LIMCH1: variants seen among roughly 807,000 people sequenced by gnomAD.
LIMCH1 encodes LIM and calponin homology domains-containing protein 1.
In LIMCH1, 113 loss-of-function variants were observed where a neutral mutation model predicts 176.5. The ratio of observed to expected loss-of-function variants is 0.64; its 90% confidence interval spans 0.55 to 0.75. The LOEUF is 0.75. Among genes scored for constraint, LIMCH1 ranks in the 30% least tolerant of loss-of-function variants. LIMCH1 has a pLI of 0.00. For missense variants in LIMCH1, 1,674 were observed against 1,814.9 expected, an observed-to-expected ratio of 0.92 and a Z score of 1.41; for synonymous variants, 619 against 645.9, an observed-to-expected ratio of 0.96 and a Z score of 0.63.
intron 1 of LIMCH1, among the ~76,000 whole-genome samples, chr4:41,374,422 T>C (rs147149122): frequency 6.6e-6 from 1 of 152,338 alleles, no homozygotes; most frequent in African/African-American, 2.4e-5. Context: ...CCAAGCAGCC[T>C]GATGAACCCT....
intron 2 of LIMCH1, among the ~76,000 whole-genome samples, chr4:41,504,990 C>A (rs533484053): frequency 6.6e-6 from 1 of 152,318 alleles, no homozygotes; most frequent in Non-Finnish European, 1.5e-5. Flanking sequence ...TTGAGTCCCC[C>A]AGTTTACTTT....
intron 3 of LIMCH1, chr4:41,524,563 C>T (rs901226417): frequency 3.1e-6 from 3 of 956,156 alleles, no homozygotes; most frequent in African/African-American, 1.6e-5. Flanking sequence ...TTACAGTTCT[C>T]TCCTGCAATA....
At chr4:41,362,797 A>G (rs1483438478) in intron 1 of LIMCH1, among the ~76,000 whole-genome samples, 3 of 152,206 alleles carry the variant, frequency 2.0e-5, no homozygotes, top group African/African-American at 4.8e-5. Context: ...ATTTCAGGCT[A>G]TTATGCAGTG....
At chr4:41,461,073 G>A (rs980199689) in intron 1 of LIMCH1, among the ~76,000 whole-genome samples, 46 of 152,250 alleles carry the variant, frequency 3.0e-4, no homozygotes, top group African/African-American at 1.1e-3. Context: ...TTTATGTAGT[G>A]GTTATCCTAT....
chr4:41,553,752 C>T (rs2080859910), intron 1 of LIMCH1, among the ~76,000 whole-genome samples: 1 of 152,116 alleles, frequency 6.6e-6, no homozygotes, highest in South Asian at 2.1e-4. Flanking sequence ...ATGAAAGATT[C>T]TTGAGCCAGT....
intron 1 of LIMCH1, among the ~76,000 whole-genome samples, chr4:41,427,788 A>G (rs2154134386): frequency 6.6e-6 from 1 of 152,330 alleles, no homozygotes; most frequent in Middle Eastern, 3.4e-3. Context: ...CCTTCTTTAG[A>G]TTGTACAAAC....
At chr4:41,614,859 A>G (rs1231740251) in intron 5 of LIMCH1, among the ~76,000 whole-genome samples, 1 of 152,240 alleles carries the variant, frequency 6.6e-6, no homozygotes, top group East Asian at 1.9e-4. Flanking sequence ...AGCTTTAAGA[A>G]GTGTGAATGC....
At chr4:41,557,540 T>C (rs2081430651) in intron 1 of LIMCH1, among the ~76,000 whole-genome samples, 2 of 113,346 alleles carry the variant, frequency 1.8e-5, no homozygotes, top group African/African-American at 1.2e-4. Context: ...AAAATCTTTA[T>C]TGCCTCTGTG....
At chr4:41,529,848 C>T (rs1003362586) in intron 3 of LIMCH1, among the ~76,000 whole-genome samples, 7 of 151,988 alleles carry the variant, frequency 4.6e-5, no homozygotes, top group African/African-American at 1.5e-4. Flanking sequence ...GCCTGATGAA[C>T]GATGGAAATT....
At chr4:41,423,142 C>T (rs947034504) in intron 1 of LIMCH1, among the ~76,000 whole-genome samples, 1 of 152,214 alleles carries the variant, frequency 6.6e-6, no homozygotes, top group Non-Finnish European at 1.5e-5. Context: ...ACTGTGAAGG[C>T]TAACATTCAT....
chr4:41,459,381 G>T lies in LIMCH1; in HGVS notation c.97-35155G>T, dbSNP rs149733408. ...AGCAGCTTCAACATGGCTCATTGCA[G>T]CCTCGACCTCCTGGGCTTAAGTAAT... On this transcript the variant is annotated intron_variant, in intron 1 of 26. Transcript: ENST00000313860. Among the ~76,000 whole-genome samples the T allele has an allele frequency of 3.1e-3, 465 of 152,100 alleles. 4 individuals carry two copies. Among genetic ancestry groups the T allele is most frequent in the Middle Eastern group, 6.8e-3 (2 of 294 alleles).
At chr4:41,366,322 CAG>C (rs1455826015) in intron 1 of LIMCH1, among the ~76,000 whole-genome samples, 2 of 152,120 alleles carry the variant, frequency 1.3e-5, no homozygotes, top group African/African-American at 2.4e-5. Context: ...TGATTCAGGA[CAG>C]AATCAGTTAA....
At chr4:41,650,148 C>T (rs979554720) in intron 17 of LIMCH1, among the ~76,000 whole-genome samples, 1 of 152,148 alleles carries the variant, frequency 6.6e-6, no homozygotes, top group East Asian at 1.9e-4. Flanking sequence ...ATGAGGTGAA[C>T]ATGAAATGGA....
At chr4:41,365,136 A>G (rs922278110) in intron 1 of LIMCH1, among the ~76,000 whole-genome samples, 24 of 152,312 alleles carry the variant, frequency 1.6e-4, no homozygotes, top group African/African-American at 5.5e-4. Context: ...GGAAATTTCA[A>G]CCCAACTCAG....
At chr4:41,413,315 C>T (rs1017325145) in intron 1 of LIMCH1, among the ~76,000 whole-genome samples, 1 of 150,976 alleles carries the variant, frequency 6.6e-6, no homozygotes, top group African/African-American at 2.4e-5. Context: ...CTCATGGAGC[C>T]ATGAAAATGT....
In LIMCH1 at chr4:41,626,736, G is replaced by T. The variant is rs540480543; in HGVS notation, c.754G>T (p.Ala252Ser). The T allele has an allele frequency of 6.5e-7, 1 of 1,536,042 alleles. No individual in the cohort carries two copies. Among genetic ancestry groups the T allele is most frequent in the African/African-American group, 1.4e-5 (1 of 72,998 alleles). ...SQKQLSEEKE[A>S]IRDIVLRKEN... ...AAAACAATTAAGTGAAGAGAAAGAA[G>T]CTATTCGTGATATTGTCCTTCGCAA... The change falls in exon 8 of 32, where the codon GCT (alanine) becomes TCT (serine). Residue 252 changes from alanine to serine, a missense_variant. Physicochemically the swap from Ala to Ser is moderately conservative, Grantham distance 99. Transcript: ENST00000503057.
chr4:41,383,570 G>A (rs1325564398), intron 1 of LIMCH1, among the ~76,000 whole-genome samples: 1 of 152,170 alleles, frequency 6.6e-6, no homozygotes, highest in East Asian at 1.9e-4. Flanking sequence ...GATCAGAGCT[G>A]TGTTGGGAAA....
intron 2 of LIMCH1, among the ~76,000 whole-genome samples, chr4:41,511,769 C>G (rs907607358): frequency 6.6e-6 from 1 of 152,114 alleles, no homozygotes; most frequent in Non-Finnish European, 1.5e-5. Flanking sequence ...AATTTTAACT[C>G]AGAATGGATC....
At chr4:41,524,322 CAA>C (rs2076409575) in intron 2 of LIMCH1, 1 of 976,272 alleles carries the variant, frequency 1.0e-6, no homozygotes. Context: ...TCCTATCCAG[CAA>C]TTTAGCTGTA....
Sources: gnomAD v4.1 joint callset for allele counts (sites outside exome capture counted in the v4.1 genomes callset) on GRCh38, gnomAD v4.1.1 for gene constraint, MANE v1.5 for transcripts, NCBI Gene and HGNC (gene_info 2026-07-23, HGNC 2026-07-21) for gene names.